Variants in THBS2 observed in about 807,000 individuals in gnomAD.
THBS2 encodes the protein thrombospondin-2.
THBS2 carries 47 observed loss-of-function variants against 135.2 expected under a neutral mutation model. That is an observed-to-expected ratio of 0.35 (90% CI 0.28 to 0.44). The LOEUF is 0.44. Among genes scored for constraint, THBS2 ranks in the 20% least tolerant of loss-of-function variants. The pLI, the probability that THBS2 is intolerant of heterozygous loss-of-function variation, is 1.00. For synonymous variants in THBS2, 639 were observed against 633.8 expected (o/e 1.01, Z -0.12); for missense variants, 1,288 against 1,603.1 (o/e 0.80, Z 3.36).
chr6:169,217,884 G>A, intron 21 of THBS2, 55 bp from the exon 22 acceptor site: 1 of 1,551,350 alleles, frequency 6.4e-7, no homozygotes, highest in Middle Eastern at 1.9e-4. Context: ...GCCATGGGTA[G>A]TGATTTATTT....
At chr6:169,236,540 C>T (rs1195114980) in intron 9 of THBS2, among the ~76,000 whole-genome samples, 4 of 140,592 alleles carry the variant, frequency 2.8e-5, no homozygotes, top group African/African-American at 1.1e-4. Flanking sequence ...ACTCATTCCC[C>T]ATCCACACTC....
chr6:169,236,201 C>A (rs1464755279), intron 9 of THBS2, among the ~76,000 whole-genome samples: 2 of 115,624 alleles, frequency 1.7e-5, no homozygotes, highest in Non-Finnish European at 3.6e-5. Context: ...CACTCATTGC[C>A]CCATAAACAC....
chr6:169,238,415 A>G (rs1001764896), intron 7 of THBS2, among the ~76,000 whole-genome samples: 7 of 152,206 alleles, frequency 4.6e-5, no homozygotes, highest in African/African-American at 1.7e-4. Flanking sequence ...GCCATGACTC[A>G]GTGTTCTAGA....
At chr6:169,230,716 T>C (rs1316780899) in intron 13 of THBS2, among the ~76,000 whole-genome samples, 7 of 152,196 alleles carry the variant, frequency 4.6e-5, no homozygotes, top group Admixed American at 2.0e-4. Context: ...GGATATCTTC[T>C]AGCAGCACGG....
chr6:169,233,693 A>G (rs1409374011), intron 10 of THBS2, among the ~76,000 whole-genome samples: 1 of 146,774 alleles, frequency 6.8e-6, no homozygotes, highest in African/African-American at 2.5e-5. Flanking sequence ...CCACACAACT[A>G]CCTATGTGCC....
In THBS2 at chr6:169,217,465, T is replaced by A. The variant is rs1289733529; in HGVS notation, c.*357A>T. 3.7e-6 allele frequency: 1 copy of A among 271,222 alleles called. No individual in the cohort carries two copies. The highest frequency in any genetic ancestry group is 2.2e-5 in the African/African-American group (1 of 45,612). 16.8% of individuals were successfully genotyped at this position (271,222 alleles called of 1,614,324 possible). Reference sequence around the variant, plus strand: ...GCTTATGCACAGTATTCCCTTCAACTCCATATACACATAAATACAATAAGT... The same window carrying A: ...GCTTATGCACAGTATTCCCTTCAACACCATATACACATAAATACAATAAGT... On this transcript the variant is annotated 3_prime_UTR_variant, in exon 22 of 22. Coordinates refer to ENST00000617924, the MANE Select transcript of THBS2 (RefSeq NM_003247.5).
chr6:169,221,871 C>A (rs1246047116), intron 19 of THBS2, among the ~76,000 whole-genome samples: 5 of 152,104 alleles, frequency 3.3e-5, no homozygotes, highest in Non-Finnish European at 7.3e-5. Flanking sequence ...ATTCAATTCT[C>A]CCTAGCTTCA....
Position 169,231,738 on chromosome 6 carries a change from G to A in THBS2, c.2151+242C>T, listed in dbSNP as rs547238963. On this transcript the variant is annotated intron_variant, in intron 13 of 21. Transcript: ENST00000617924. ...ATGCGCGCAATTGCAAATATGGGCCGACGTGCCCGAGGTTCTCTGTGCCCA... is the reference window on the plus strand; with the variant it reads ...ATGCGCGCAATTGCAAATATGGGCCAACGTGCCCGAGGTTCTCTGTGCCCA... Among the ~76,000 whole-genome samples the A allele has an allele frequency of 5.3e-5, 8 of 152,332 alleles. No homozygotes were observed. In the South Asian group the frequency reaches 1.7e-3, roughly 32 times the overall value.
At chr6:169,222,659 G>T (rs1779470101) in intron 18 of THBS2, among the ~76,000 whole-genome samples, 191 bp from the exon 19 acceptor site, 1 of 152,096 alleles carries the variant, frequency 6.6e-6, no homozygotes, top group Non-Finnish European at 1.5e-5. Flanking sequence ...GCCGGGCATG[G>T]TGGTGGGTAC....
At chr6:169,247,531 G>T (rs1391736416) in intron 3 of THBS2, among the ~76,000 whole-genome samples, 4 of 151,828 alleles carry the variant, frequency 2.6e-5, no homozygotes, top group Non-Finnish European at 5.9e-5. Context: ...TATGTGTGGG[G>T]GATGTGTGAG....
chr6:169,248,712 C>T lies in THBS2; in HGVS notation c.314G>A (p.Gly105Asp). 6.2e-7 allele frequency: 1 copy of T among 1,613,840 alleles called. No homozygotes were observed. Among genetic ancestry groups the T allele is most frequent in the Non-Finnish European group, 8.5e-7 (1 of 1,180,016 alleles). Reference protein sequence around the residue: ...KSRGTLLALEGPGLSQRQFEI... With the variant: ...KSRGTLLALEDPGLSQRQFEI... ...GAACTGCCTCTGGGAGAGACCGGGG[C>T]CCTCCAGAGCCAACAGCGTGCCCCT... Residue 105 changes from glycine (G) to aspartate (D), a missense_variant, in exon 3 of 22, where the codon GGC (glycine) becomes GAC (aspartate). Transcript: ENST00000617924.
chr6:169,232,336 T>A lies in THBS2; in HGVS notation c.1933-138A>T. ...AAGTCCTGAAGTGGGAAGGGCTTTC[T>A]GGACACGCACTTGAGGTGCTGTTCG... On this transcript the variant is annotated intron_variant, in intron 12 of 21. Coordinates refer to ENST00000617924, the MANE Select transcript of THBS2 (RefSeq NM_003247.5). 4.1e-6 allele frequency: 4 copies of A among 971,546 alleles called. No homozygotes were observed. The South Asian group carries it at 6.0e-5, about 15-fold the overall frequency. The allele number at this position is 971,546 out of a possible 1,614,324, so 60.2% of individuals were successfully genotyped here.
At chr6:169,228,958 A>C (rs1779737206) in intron 14 of THBS2, among the ~76,000 whole-genome samples, 1 of 151,982 alleles carries the variant, frequency 6.6e-6, no homozygotes, top group Non-Finnish European at 1.5e-5. Context: ...TTCCATATCA[A>C]ATCATTTTAT....
intron 7 of THBS2, 110 bp downstream of exon 7, chr6:169,239,489 A>G: frequency 1.0e-6 from 1 of 991,704 alleles, no homozygotes; most frequent in Non-Finnish European, 1.5e-6. Context: ...ACCTGTACTC[A>G]GGGGGCTGAA....
intron 20 of THBS2, 123 bp from the exon 21 acceptor site, chr6:169,220,460 T>G (rs1258344740): frequency 1.6e-6 from 2 of 1,255,736 alleles, no homozygotes; most frequent in Non-Finnish European, 2.2e-6. Context: ...AGGGCTTCAG[T>G]GCCCCAGGGG....
intron 10 of THBS2, among the ~76,000 whole-genome samples, chr6:169,233,594 CCACA>C (rs1779929701): frequency 6.6e-6 from 1 of 150,570 alleles, no homozygotes; most frequent in South Asian, 2.1e-4. Context: ...ACTTTCCACA[CCACA>C]CAAATACCTA....
chr6:169,237,777 C>T lies in THBS2; in HGVS notation c.1148G>A (p.Gly383Asp), dbSNP rs1226838575. 2 of 1,610,436 alleles carry T rather than the reference C, an allele frequency of 1.2e-6. No homozygotes were observed. The highest frequency in any genetic ancestry group is 1.7e-5 in the Admixed American group (1 of 59,946). ...SCLHSVDGEE[G>D]WSPWAEWTQC... Reference sequence around the variant, plus strand: ...GGTCCACTCTGCCCACGGAGACCAGCCCTCCTCACCGTCCACCGCTGCCAG... The same window carrying T: ...GGTCCACTCTGCCCACGGAGACCAGTCCTCCTCACCGTCCACCGCTGCCAG... The change falls in exon 8 of 22, where the codon GGC becomes GAC. Residue 383 changes from glycine to aspartate, a missense_variant. This residue lies in a region of THBS2 where 874 missense variants were observed against 1,156.1 expected (regional missense o/e 0.76). Transcript: ENST00000617924.
intron 4 of THBS2, among the ~76,000 whole-genome samples, chr6:169,243,607 T>C (rs138598583): frequency 7.2e-4 from 110 of 152,340 alleles, no homozygotes; most frequent in African/African-American, 2.4e-3. Flanking sequence ...CCCATAACCA[T>C]GTACAATCAG....
intron 4 of THBS2, among the ~76,000 whole-genome samples, chr6:169,242,710 C>CTCCCACCT (rs1554247322): frequency 1.8e-4 from 7 of 39,974 alleles, no homozygotes; most frequent in African/African-American, 5.5e-4. Context: ...CTTCCCACCA[C>CTCCCACCT]TCCCACCTTC....
Sources: allele counts gnomAD v4.1 joint callset (sites outside exome capture counted in the v4.1 genomes callset), GRCh38; gene constraint gnomAD v4.1.1; regional missense constraint gnomAD v4.1.1; transcripts MANE v1.5; gene names NCBI Gene and HGNC (gene_info 2026-07-23, HGNC 2026-07-21).